KDM3B: variants seen among roughly 807,000 people sequenced by gnomAD.
The protein encoded by KDM3B is lysine-specific demethylase 3B.
In KDM3B, 10 loss-of-function variants were observed where a neutral mutation model predicts 170.0. The observed-to-expected ratio is 0.06, with a 90% CI of 0.04 to 0.10. The LOEUF (loss-of-function observed/expected upper bound fraction) is 0.10, where lower values mean the gene tolerates loss of function less well. KDM3B is among the 10% of genes least tolerant of loss of function. The pLI is 1.00. For missense variants in KDM3B, 1,394 were observed against 2,195.2 expected, an observed-to-expected ratio of 0.64 and a Z score of 7.29; for synonymous variants, 831 against 834.8, an observed-to-expected ratio of 1.00 and a Z score of 0.08.
Position 138,386,357 on chromosome 5 carries a change from G to A in KDM3B, c.1116G>A (p.Glu372=), listed in dbSNP as rs763787771. 6.2e-7 allele frequency: 1 copy of A among 1,614,216 alleles called. No homozygotes were observed. Among genetic ancestry groups the A allele is most frequent in the Non-Finnish European group, 8.5e-7 (1 of 1,180,042 alleles). ...GCAGGACTCTGGTGGTGCAGGATGA[G>A]CCTGTAGGTGGGGACACACCTGCAT... The part of the protein sequence containing the change: ...ENGRTLVVQD[E]PVGGDTPASF... The change falls in exon 7 of 24, where the codon GAG becomes GAA. Residue 372 remains glutamate (E), a synonymous_variant. Transcript: ENST00000314358.
At chr5:138,417,049 G>T (rs552733022) in intron 12 of KDM3B, among the ~76,000 whole-genome samples, 29 of 152,320 alleles carry the variant, frequency 1.9e-4, no homozygotes, top group African/African-American at 7.0e-4. Context: ...TCAAACTCCT[G>T]ACCTCAAAGC....
chr5:138,401,870 T>C (rs1185794585), intron 11 of KDM3B, among the ~76,000 whole-genome samples: 1 of 152,188 alleles, frequency 6.6e-6, no homozygotes, highest in Non-Finnish European at 1.5e-5. Flanking sequence ...CCCTGGTGAC[T>C]AACGATGTTG....
chr5:138,381,418 A>T, intron 5 of KDM3B, 98 bp from the exon 6 acceptor site: 1 of 752,168 alleles, frequency 1.3e-6, no homozygotes, highest in Admixed American at 2.1e-5. Flanking sequence ...CTAGTAGGTG[A>T]GTTGAATCAA....
intron 1 of KDM3B, among the ~76,000 whole-genome samples, chr5:138,356,057 C>T (rs1761440745): frequency 1.3e-5 from 2 of 152,080 alleles, no homozygotes; most frequent in South Asian, 2.1e-4. Flanking sequence ...AGATTTTACT[C>T]ATCGTTTTTG....
intron 11 of KDM3B, among the ~76,000 whole-genome samples, chr5:138,412,609 G>A (rs545006117): frequency 9.8e-4 from 149 of 152,098 alleles, no homozygotes; most frequent in African/African-American, 3.4e-3. Flanking sequence ...AGCCACGATC[G>A]TGCCATTACA....
In KDM3B at chr5:138,353,648, A is replaced by C. The variant is rs181755110; in HGVS notation, c.192+661A>C. On this transcript the variant is annotated intron_variant, in intron 1 of 23. Transcript: ENST00000314358. ...TGTGGCTGTTTTTGTTAAGTTTGAG[A>C]TCTTTCTTAGTGGCCGAACGGGGCT... Among the ~76,000 whole-genome samples, 35 of 152,102 alleles carry C rather than the reference A, an allele frequency of 2.3e-4. No homozygotes were observed. In the East Asian group the frequency reaches 5.8e-3, roughly 25 times the overall value.
intron 16 of KDM3B, 76 bp from the exon 17 acceptor site, chr5:138,425,335 C>A: frequency 7.2e-7 from 1 of 1,384,470 alleles, no homozygotes; most frequent in South Asian, 1.4e-5. Context: ...CTCAGGAAAC[C>A]CTCCTATTCT....
At chr5:138,394,125 G>T (rs1221031819) in intron 9 of KDM3B, among the ~76,000 whole-genome samples, 1 of 152,146 alleles carries the variant, frequency 6.6e-6, no homozygotes, top group Non-Finnish European at 1.5e-5. Flanking sequence ...ATGATTACAT[G>T]CCTTTAACTC....
chr5:138,402,254 T>A (rs1762712401), intron 11 of KDM3B, among the ~76,000 whole-genome samples: 1 of 152,246 alleles, frequency 6.6e-6, no homozygotes, highest in Non-Finnish European at 1.5e-5. Flanking sequence ...AAAATGTCTA[T>A]TCAAATTATT....
chr5:138,411,191 C>T (rs1045116060), intron 11 of KDM3B, among the ~76,000 whole-genome samples: 12 of 152,220 alleles, frequency 7.9e-5, no homozygotes, highest in South Asian at 2.1e-4. Context: ...CTGGCGTCAC[C>T]GCTAGACCAA....
At chr5:138,426,660 G>C (rs917758602) in intron 17 of KDM3B, 2 of 261,266 alleles carry the variant, frequency 7.7e-6, no homozygotes, top group Non-Finnish European at 1.5e-5. Context: ...GGAGGCCAAG[G>C]CAGGCAGATC....
intron 1 of KDM3B, among the ~76,000 whole-genome samples, chr5:138,363,155 A>G (rs188218839): frequency 1.9e-4 from 29 of 152,194 alleles, no homozygotes; most frequent in African/African-American, 6.7e-4. Context: ...ATTCTACTAG[A>G]TAGTAAATTC....
chr5:138,375,982 A>T (rs978399407), intron 3 of KDM3B, among the ~76,000 whole-genome samples: 2 of 149,886 alleles, frequency 1.3e-5, no homozygotes, highest in African/African-American at 2.5e-5. Context: ...TGGCATTTTT[A>T]AATTTTTATT....
Position 138,414,351 on chromosome 5 carries a change from G to A in KDM3B, c.3200-781G>A, listed in dbSNP as rs184645380. 2.0e-4 allele frequency among the ~76,000 whole-genome samples: 31 copies of A among 152,156 alleles called. No individual in the cohort carries two copies. The East Asian group carries it at 2.5e-3, about 12-fold the overall frequency. On this transcript the variant is annotated intron_variant, in intron 11 of 23. Transcript: ENST00000314358. ...TGGCTAATTTTTTGTATTTTTAGTA[G>A]AGACAGGGTTTCACCGTATTAGCCA...
chr5:138,405,548 T>C (rs1762796411), intron 11 of KDM3B, among the ~76,000 whole-genome samples: 1 of 151,688 alleles, frequency 6.6e-6, no homozygotes, highest in Non-Finnish European at 1.5e-5. Flanking sequence ...GCAGCTTTTC[T>C]CAAACCAAGA....
intron 20 of KDM3B, 48 bp from the exon 21 acceptor site, chr5:138,429,778 G>A (rs766241143): frequency 3.0e-5 from 47 of 1,591,786 alleles, no homozygotes; most frequent in Non-Finnish European, 3.8e-5. Context: ...TCACTCAGTG[G>A]TACTGAAATG....
chr5:138,371,123 A>T (rs1761863837), intron 1 of KDM3B, among the ~76,000 whole-genome samples: 1 of 152,002 alleles, frequency 6.6e-6, no homozygotes, highest in Non-Finnish European at 1.5e-5. Flanking sequence ...GTAGCTTTTG[A>T]TGCTGTGTCC....
At chr5:138,390,607 G>C (rs575318180) in intron 7 of KDM3B, among the ~76,000 whole-genome samples, 5 of 152,160 alleles carry the variant, frequency 3.3e-5, no homozygotes, top group Non-Finnish European at 7.3e-5. Context: ...AGGTCATTGA[G>C]ATATATTAAT....
At chr5:138,369,184 C>T (rs17207562) in intron 1 of KDM3B, among the ~76,000 whole-genome samples, 6,281 of 152,224 alleles carry the variant, frequency 0.041, 178 homozygotes, top group South Asian at 0.11. Context: ...GGGTCAGATC[C>T]AGTCTGGGCA....
Sources: gnomAD v4.1 joint callset for allele counts (sites outside exome capture counted in the v4.1 genomes callset) on GRCh38, gnomAD v4.1.1 for gene constraint, MANE v1.5 for transcripts, NCBI Gene and HGNC (gene_info 2026-07-23, HGNC 2026-07-21) for gene names.